ZFHX3: variants seen among roughly 807,000 people sequenced by gnomAD.
ZFHX3 encodes zinc finger homeobox protein 3.
A neutral mutation model predicts 279.1 loss-of-function variants in ZFHX3; 42 were observed. The observed-to-expected ratio is 0.15, with a 90% CI of 0.12 to 0.19. The LOEUF (loss-of-function observed/expected upper bound fraction) is 0.19. Ranked by LOEUF, ZFHX3 falls within the 10% of genes least tolerant of loss-of-function variation. The probability of loss-of-function intolerance (pLI) is 1.00; values close to 1 mark genes in which losing one functional copy is unlikely to be tolerated. For synonymous variants in ZFHX3, 2,293 were observed against 1,957.8 expected (o/e 1.17, Z -4.52); for missense variants, 4,981 against 4,754.0 (o/e 1.05, Z -1.40).
intron 5 of ZFHX3, among the ~76,000 whole-genome samples, chr16:73,243,875 G>A (rs2013201461): frequency 6.6e-6 from 1 of 152,116 alleles, no homozygotes; most frequent in South Asian, 2.1e-4. Flanking sequence ...AATAATAAAT[G>A]TTTTCTAAGA....
intron 2 of ZFHX3, among the ~76,000 whole-genome samples, chr16:73,671,077 T>C (rs1307332202): frequency 6.6e-6 from 1 of 152,218 alleles, no homozygotes; most frequent in East Asian, 1.9e-4. Context: ...GTCCTCACAA[T>C]GACTACACGA....
At chr16:73,705,356 C>A (rs1180821724) in intron 1 of ZFHX3, among the ~76,000 whole-genome samples, 2 of 152,074 alleles carry the variant, frequency 1.3e-5, no homozygotes, top group Non-Finnish European at 2.9e-5. Context: ...CAATCCCTGG[C>A]ACTTCTGGTC....
chr16:73,633,554 G>A (rs2052497534), intron 2 of ZFHX3, among the ~76,000 whole-genome samples: 2 of 152,132 alleles, frequency 1.3e-5, no homozygotes, highest in Admixed American at 6.5e-5. Flanking sequence ...GCTGGGTGGT[G>A]GGTATATGCG....
At chr16:73,771,401 A>G (rs1179095993) in intron 1 of ZFHX3, among the ~76,000 whole-genome samples, 1 of 152,194 alleles carries the variant, frequency 6.6e-6, no homozygotes, top group Non-Finnish European at 1.5e-5. Context: ...AAAAACAAGC[A>G]TGCAGATGAG....
At chr16:73,845,868 G>A (rs1314002085) in intron 1 of ZFHX3, among the ~76,000 whole-genome samples, 2 of 152,074 alleles carry the variant, frequency 1.3e-5, no homozygotes, top group African/African-American at 2.4e-5. Context: ...AGGCTGGAGT[G>A]CAGTGGCACA....
intron 1 of ZFHX3, among the ~76,000 whole-genome samples, chr16:73,833,078 C>A (rs933307543): frequency 6.6e-6 from 1 of 152,136 alleles, no homozygotes; most frequent in African/African-American, 2.4e-5. Flanking sequence ...AGGCTTCTAG[C>A]AATTATTTCA....
intron 1 of ZFHX3, among the ~76,000 whole-genome samples, chr16:73,788,282 G>A (rs1345955547): frequency 6.6e-6 from 1 of 152,152 alleles, no homozygotes; most frequent in African/African-American, 2.4e-5. Context: ...AACCAAAGTA[G>A]AAACTAAATG....
intron 2 of ZFHX3, among the ~76,000 whole-genome samples, chr16:73,576,182 A>G (rs1328606938): frequency 1.3e-5 from 2 of 152,174 alleles, no homozygotes; most frequent in East Asian, 3.8e-4. Flanking sequence ...TCCCCATTTA[A>G]GCAGTGACAG....
chr16:73,819,474 C>T (rs1043072030), intron 1 of ZFHX3, among the ~76,000 whole-genome samples: 5 of 151,976 alleles, frequency 3.3e-5, no homozygotes, highest in Admixed American at 1.3e-4. Context: ...TTGTATCAGG[C>T]CTTTCCCACC....
intron 5 of ZFHX3, among the ~76,000 whole-genome samples, chr16:73,185,011 T>C (rs183644033): frequency 2.6e-3 from 387 of 151,140 alleles, no homozygotes; most frequent in Non-Finnish European, 4.8e-3. Context: ...AGACAGCGTC[T>C]CAGTCACCCA....
chr16:73,525,379 G>C (rs1369263944), intron 2 of ZFHX3, among the ~76,000 whole-genome samples: 2 of 152,164 alleles, frequency 1.3e-5, no homozygotes, highest in African/African-American at 4.8e-5. Flanking sequence ...CTGGAGTTTA[G>C]CTAATGAGAA....
intron 3 of ZFHX3, among the ~76,000 whole-genome samples, chr16:73,336,257 G>C (rs538113085): frequency 6.6e-6 from 1 of 152,222 alleles, no homozygotes; most frequent in Admixed American, 6.5e-5. Flanking sequence ...TTTTATTTTA[G>C]TTTCAGGGGT....
intron 5 of ZFHX3, among the ~76,000 whole-genome samples, chr16:73,197,641 A>C (rs569842168): frequency 5.9e-5 from 9 of 152,206 alleles, no homozygotes; most frequent in Non-Finnish European, 1.3e-4. Context: ...TTTCTACTAA[A>C]CATGATAGAT....
Position 72,957,754 on chromosome 16 carries a change from G to T in ZFHX3, c.2392C>A (p.Pro798Thr), listed in dbSNP as rs533551294. 4 of 1,614,148 alleles carry T rather than the reference G, an allele frequency of 2.5e-6. No individual in the cohort carries two copies. The South Asian group carries it at 4.4e-5, about 18-fold the overall frequency. The change falls in exon 2 of 10, where the codon CCA (proline) becomes ACA (threonine). Residue 798 changes from proline (P) to threonine (T), a missense_variant. Physicochemically the swap from Pro to Thr is conservative, Grantham distance 38. This residue lies in a region of ZFHX3 where 1,751 missense variants were observed against 1,770.0 expected (regional missense o/e 0.99). Transcript: ENST00000268489. ...CACCGCCAGGTGGGTTTGGTTTTTG[G>T]TTTGGTCGGCGAGGGGGCCCCGCAG... Reference protein sequence around the residue: ...SSCGAPSPTKPKTKPTWRCEV... With the variant: ...SSCGAPSPTKTKTKPTWRCEV...
rs79764831 is a variant in ZFHX3, at chr16:73,242,782, C to T, written c.-1104+14265G>A. On this transcript the variant is annotated intron_variant, in intron 5 of 17. Coordinates refer to the ZFHX3 transcript ENST00000641206. ...TTAATTTCCAACAAGCCTGTCTTAA[C>T]GAGCGGAGTACAGGCTTAACACTGG... is the stretch of plus-strand genomic sequence containing the variant. Among the ~76,000 whole-genome samples the T allele has an allele frequency of 2.3e-3, 344 of 152,246 alleles. 3 individuals are homozygous for T. Among genetic ancestry groups the T allele is most frequent in the Non-Finnish European group, 3.9e-3 (266 of 68,022 alleles).
chr16:73,067,021 TGCAAGA>T (rs1292791848), intron 8 of ZFHX3, among the ~76,000 whole-genome samples: 1 of 151,888 alleles, frequency 6.6e-6, no homozygotes, highest in Non-Finnish European at 1.5e-5. Flanking sequence ...CAGCCCCAGG[TGCAAGA>T]GCTGGGAGTG....
chr16:73,192,830 C>T (rs543441405), intron 5 of ZFHX3, among the ~76,000 whole-genome samples: 7 of 152,338 alleles, frequency 4.6e-5, no homozygotes, highest in African/African-American at 1.7e-4. Flanking sequence ...TTCCTTCCCT[C>T]TCCTTTTTCT....
intron 5 of ZFHX3, among the ~76,000 whole-genome samples, chr16:73,231,255 G>A: frequency 6.6e-6 from 1 of 152,136 alleles, no homozygotes; most frequent in East Asian, 1.9e-4. Context: ...GGCGCTTGCA[G>A]GAGAAAGCCA....
rs76041511 is a variant in ZFHX3, at chr16:73,510,383, G to T, written c.-1546-54125C>A. Among the ~76,000 whole-genome samples the T allele has an allele frequency of 2.6e-4, 39 of 152,066 alleles. No homozygotes were observed. The East Asian group carries it at 7.5e-3, about 29-fold the overall frequency. Reference sequence around the variant, plus strand: ...GGCTTAATATATTTGTGTTGAATGAGTGCCCCAACCCTAATGCCAGCATAC... The same window carrying T: ...GGCTTAATATATTTGTGTTGAATGATTGCCCCAACCCTAATGCCAGCATAC... On this transcript the variant is annotated intron_variant, in intron 2 of 17. Coordinates refer to the ZFHX3 transcript ENST00000641206.
Sources: allele counts gnomAD v4.1 joint callset (sites outside exome capture counted in the v4.1 genomes callset), GRCh38; gene constraint gnomAD v4.1.1; regional missense constraint gnomAD v4.1.1; transcripts MANE v1.5; gene names NCBI Gene and HGNC (gene_info 2026-07-23, HGNC 2026-07-21).